The following UBE3C variants were observed in gnomAD, a reference collection of about 807,000 sequenced individuals.
The protein encoded by UBE3C is ubiquitin protein ligase E3C.
UBE3C carries 42 observed loss-of-function variants against 129.4 expected under a neutral mutation model. The ratio of observed to expected loss-of-function variants is 0.32; its 90% CI spans 0.25 to 0.42. The LOEUF (loss-of-function observed/expected upper bound fraction) is 0.42. UBE3C is among the 10% of genes least tolerant of loss of function. The pLI, the probability that UBE3C is intolerant of heterozygous loss-of-function variation, is 1.00. For synonymous variants in UBE3C, 510 were observed against 492.4 expected, an observed-to-expected ratio of 1.04 and a Z score of -0.47; for missense variants, 1,049 against 1,319.1, an observed-to-expected ratio of 0.80 and a Z score of 3.17.
chr7:157,151,766 A>G (rs3808317), intron 1 of UBE3C, among the ~76,000 whole-genome samples: 72,231 of 151,990 alleles, frequency 0.48, 19,781 homozygotes, highest in African/African-American at 0.77. Context: ...TTGGACCAAG[A>G]GGAGTCAATG....
chr7:157,240,424 A>C (rs1796281153), intron 18 of UBE3C, among the ~76,000 whole-genome samples: 1 of 152,212 alleles, frequency 6.6e-6, no homozygotes, highest in Non-Finnish European at 1.5e-5. Context: ...GAATTACTGG[A>C]CAATGGAAAT....
intron 22 of UBE3C, among the ~76,000 whole-genome samples, chr7:157,260,742 C>G (rs1796880893): frequency 6.6e-6 from 1 of 152,166 alleles, no homozygotes; most frequent in Non-Finnish European, 1.5e-5. Flanking sequence ...CATCAAAACA[C>G]TGGAAGATGC....
intron 19 of UBE3C, among the ~76,000 whole-genome samples, chr7:157,252,273 T>A (rs1262010252): frequency 6.6e-6 from 1 of 152,260 alleles, no homozygotes; most frequent in Non-Finnish European, 1.5e-5. Flanking sequence ...ATTTATTACC[T>A]GCCTCTAATC....
At chr7:157,238,366 C>G (rs973196494) in intron 18 of UBE3C, among the ~76,000 whole-genome samples, 1 of 151,884 alleles carries the variant, frequency 6.6e-6, no homozygotes, top group African/African-American at 2.4e-5. Flanking sequence ...AGCACTCAAG[C>G]TGGGAGACCG....
In UBE3C at chr7:157,154,314, G is replaced by A. The variant is rs201869768; in HGVS notation, c.67-9496G>A. 7.3e-5 allele frequency among the ~76,000 whole-genome samples: 11 copies of A among 151,668 alleles called. No individual in the cohort carries two copies. The East Asian group carries it at 1.9e-3, about 27-fold the overall frequency. ...CAGCCTGGTGACAGTTCGAGATTCTGTCTAAAAAAAAAAGATAAAAGGTCA... is the reference window on the plus strand; with the variant it reads ...CAGCCTGGTGACAGTTCGAGATTCTATCTAAAAAAAAAAGATAAAAGGTCA... On this transcript the variant is annotated intron_variant, in intron 1 of 22. Coordinates refer to ENST00000348165, the MANE Select transcript of UBE3C (RefSeq NM_014671.3).
At chr7:157,170,525 C>G in intron 4 of UBE3C, 75 bp downstream of exon 4, 1 of 1,393,456 alleles carries the variant, frequency 7.2e-7, no homozygotes, top group Non-Finnish European at 9.4e-7. Context: ...GAAATGGCTT[C>G]TCATCAGAAA....
At chr7:157,167,050 C>G (rs942927074) in intron 2 of UBE3C, among the ~76,000 whole-genome samples, 6 of 152,118 alleles carry the variant, frequency 3.9e-5, no homozygotes, top group Non-Finnish European at 8.8e-5. Flanking sequence ...CTGCCTCAGC[C>G]TCCCAAGTAG....
intron 1 of UBE3C, among the ~76,000 whole-genome samples, chr7:157,156,715 A>T (rs964521771): frequency 9.4e-4 from 66 of 69,938 alleles, no homozygotes; most frequent in African/African-American, 8.0e-3. Flanking sequence ...CTTCTTTTTA[A>T]AAAAAAAAAA....
intron 19 of UBE3C, among the ~76,000 whole-genome samples, chr7:157,248,878 G>A (rs1470107192): frequency 6.6e-6 from 1 of 152,162 alleles, no homozygotes; most frequent in Non-Finnish European, 1.5e-5. Flanking sequence ...TCCCGGTGCT[G>A]GGGGTGGCCG....
intron 18 of UBE3C, among the ~76,000 whole-genome samples, chr7:157,246,185 T>C (rs534180690): frequency 1.3e-5 from 2 of 152,082 alleles, no homozygotes; most frequent in South Asian, 4.1e-4. Context: ...CCTGTTGGAG[T>C]GTATAAGTTC....
chr7:157,226,477 A>G (rs750173337), intron 17 of UBE3C, among the ~76,000 whole-genome samples: 1 of 152,246 alleles, frequency 6.6e-6, no homozygotes, highest in Non-Finnish European at 1.5e-5. Flanking sequence ...GATTAAAATG[A>G]AAGTTTAGGC....
chr7:157,179,214 G>T (rs1409672710), intron 6 of UBE3C, among the ~76,000 whole-genome samples: 1 of 151,944 alleles, frequency 6.6e-6, no homozygotes, highest in Non-Finnish European at 1.5e-5. Flanking sequence ...GTCATTCTGA[G>T]TGAATGGGAA....
chr7:157,158,050 CTTTTTTTTTTTT>C (rs60257662), intron 1 of UBE3C, among the ~76,000 whole-genome samples: 10 of 101,122 alleles, frequency 9.9e-5, no homozygotes, highest in East Asian at 3.1e-4. Context: ...CTCTTTTTTC[CTTTTTTTTTTTT>C]TTTTTTTTTT....
At chr7:157,171,680 ATATATATTTTTTTTTTTTTTTTT>A (rs1280674721) in intron 4 of UBE3C, among the ~76,000 whole-genome samples, 27 of 32,824 alleles carry the variant, frequency 8.2e-4, no homozygotes, top group South Asian at 2.8e-3. Flanking sequence ...ATATATATAT[ATATATATTTTTTTTTTTTTTTTT>A]TTTTTTTTTT....
chr7:157,226,246 C>G (rs971901815), intron 17 of UBE3C, among the ~76,000 whole-genome samples: 1 of 152,068 alleles, frequency 6.6e-6, no homozygotes, highest in African/African-American at 2.4e-5. Context: ...ATCCAAGTTT[C>G]TTATGAAAAG....
intron 1 of UBE3C, among the ~76,000 whole-genome samples, chr7:157,140,866 ACT>A (rs1807425285): frequency 1.3e-5 from 2 of 152,192 alleles, no homozygotes; most frequent in African/African-American, 2.4e-5. Flanking sequence ...TAAAAACAAA[ACT>A]CTTTTTATTG....
intron 22 of UBE3C, among the ~76,000 whole-genome samples, chr7:157,262,365 C>T (rs1234907299): frequency 7.2e-6 from 1 of 138,738 alleles, no homozygotes. Context: ...AGTAAAGAGA[C>T]CTACAAAGAT....
At chr7:157,141,163 G>C (rs983693080) in intron 1 of UBE3C, among the ~76,000 whole-genome samples, 3 of 152,144 alleles carry the variant, frequency 2.0e-5, no homozygotes, top group African/African-American at 7.2e-5. Flanking sequence ...GCAGTAAAGA[G>C]CCCTTAGTAG....
chr7:157,211,011 A>G (rs1025429469), intron 13 of UBE3C, among the ~76,000 whole-genome samples: 1 of 152,214 alleles, frequency 6.6e-6, no homozygotes, highest in African/African-American at 2.4e-5. Flanking sequence ...ATTTAGAGCT[A>G]TAATTACTTT....
Sources: allele counts gnomAD v4.1 joint callset (sites outside exome capture counted in the v4.1 genomes callset), GRCh38; gene constraint gnomAD v4.1.1; transcripts MANE v1.5; gene names NCBI Gene and HGNC (gene_info 2026-07-23, HGNC 2026-07-21).